C6orf132: variants seen among roughly 807,000 people sequenced by gnomAD.
The protein encoded by C6orf132 is chromosome 6 open reading frame 132, also known as uncharacterized protein C6orf132.
C6orf132 carries 43 observed loss-of-function variants against 65.3 expected under a neutral mutation model. That is an observed-to-expected ratio of 0.66 (90% CI 0.52 to 0.85). C6orf132 has a LOEUF of 0.85. Among genes scored for constraint, C6orf132 ranks in the 40% least tolerant of loss-of-function variants. C6orf132 has a pLI of 0.00. For missense variants in C6orf132, 1,488 were observed against 1,548.8 expected (o/e 0.96, Z 0.66); for synonymous variants, 631 against 654.1 (o/e 0.96, Z 0.54).
chr6:42,133,364 G>A lies in C6orf132; in HGVS notation c.146-4586C>T, dbSNP rs537412372. Among the ~76,000 whole-genome samples, 18 of 152,378 alleles carry A rather than the reference G, an allele frequency of 1.2e-4. 1 individual carries two copies. In the South Asian group the frequency reaches 3.7e-3, roughly 32 times the overall value. On this transcript the variant is annotated intron_variant, in intron 1 of 4. Transcript: ENST00000341865. ...ACTCTGAAACTTGCAAACTCCCTTG[G>A]TGTCTGGCTTTTTCTGGAAAAGTCC...
In C6orf132 at chr6:42,106,847, G is replaced by A. The variant is rs1345644996; in HGVS notation, c.1065C>T (p.Asp355=). Residue 355 remains aspartate, a synonymous_variant, in exon 4 of 5, where the codon GAC becomes GAT. Transcript: ENST00000341865. The part of the protein sequence containing the change: ...HIRPASQVYP[D]RAPEPDCPGE... ...CAGGGCAGTCTGGCTCGGGGGCCCT[G>A]TCTGGGTAGACCTGGGAGGCGGGGC... 6.5e-6 allele frequency: 10 copies of A among 1,535,800 alleles called. No individual in the cohort carries two copies. The South Asian group carries it at 9.5e-5, about 15-fold the overall frequency.
intron 2 of C6orf132, among the ~76,000 whole-genome samples, chr6:42,122,880 G>A (rs1376964601): frequency 1.3e-5 from 2 of 152,170 alleles, no homozygotes; most frequent in African/African-American, 4.8e-5. Context: ...CTCAGAGGGT[G>A]GGGTGACCCA....
chr6:42,135,593 C>A (rs1457357320), intron 1 of C6orf132, among the ~76,000 whole-genome samples: 1 of 152,236 alleles, frequency 6.6e-6, no homozygotes, highest in Non-Finnish European at 1.5e-5. Flanking sequence ...CAAAGCTGCT[C>A]ATGGATCTCC....
At chr6:42,133,682 G>A (rs1766891855) in intron 1 of C6orf132, among the ~76,000 whole-genome samples, 1 of 152,022 alleles carries the variant, frequency 6.6e-6, no homozygotes, top group Admixed American at 6.6e-5. Flanking sequence ...GTAAATCCAG[G>A]TCTGCCTCCA....
Position 42,105,432 on chromosome 6 carries a change from G to C in C6orf132, c.2480C>G (p.Pro827Arg). The C allele has an allele frequency of 6.5e-7, 1 of 1,535,166 alleles. No individual in the cohort carries two copies. The stretch of plus-strand genomic sequence containing the variant: ...CCGCTCCACCACCTCCCCAGTCACC[G>C]GGTGCCTGAGGAGTTCATCAGTGGG... Reference protein sequence around the residue: ...AQPTDELLRHPVTGEVVERGS... With the variant: ...AQPTDELLRHRVTGEVVERGS... Residue 827 changes from proline (P) to arginine (R), a missense_variant, in exon 4 of 5, where the codon CCG (proline) becomes CGG (arginine). Pro to Arg is a moderately radical substitution (Grantham distance 103). Coordinates refer to ENST00000341865, the MANE Select transcript of C6orf132 (RefSeq NM_001164446.3).
chr6:42,120,670 C>A (rs1481243629), intron 2 of C6orf132, among the ~76,000 whole-genome samples: 1 of 152,062 alleles, frequency 6.6e-6, no homozygotes, highest in Non-Finnish European at 1.5e-5. Flanking sequence ...CTCTGTCACC[C>A]AGGCTGGAGT....
intron 2 of C6orf132, among the ~76,000 whole-genome samples, chr6:42,112,488 C>A (rs1766510540): frequency 6.6e-6 from 1 of 152,202 alleles, no homozygotes; most frequent in African/African-American, 2.4e-5. Context: ...CCCTGTGTCT[C>A]AGTTTCCCCA....
chr6:42,111,586 C>A (rs1299455638), intron 2 of C6orf132, among the ~76,000 whole-genome samples: 1 of 151,892 alleles, frequency 6.6e-6, no homozygotes, highest in Non-Finnish European at 1.5e-5. Flanking sequence ...CCAGCCCTGG[C>A]TAATTTTTTG....
chr6:42,141,374 C>T (rs928759935), intron 1 of C6orf132, among the ~76,000 whole-genome samples: 2 of 152,064 alleles, frequency 1.3e-5, no homozygotes, highest in Non-Finnish European at 2.9e-5. Flanking sequence ...AAGCCCCCTG[C>T]CCCCCCAACC....
intron 2 of C6orf132, among the ~76,000 whole-genome samples, chr6:42,117,030 C>T (rs541878433): frequency 6.6e-6 from 1 of 152,294 alleles, no homozygotes; most frequent in African/African-American, 2.4e-5. Context: ...TGTTCTTGTT[C>T]TTACTCTGCC....
rs1562031992 is a variant in C6orf132, at chr6:42,104,688, G to A, written c.3224C>T (p.Pro1075Leu). 6.6e-7 allele frequency: 1 copy of A among 1,517,560 alleles called. No homozygotes were observed. The highest frequency in any genetic ancestry group is 2.5e-5 in the East Asian group (1 of 39,346). 94.0% of individuals were successfully genotyped at this position (1,517,560 alleles called of 1,614,324 possible). Reference protein sequence around the residue: ...RLYVGEPHRGPGLPHGGTGRS... With the variant: ...RLYVGEPHRGLGLPHGGTGRS... ...GCCGGTGCCACCGTGGGGTAGCCCT[G>A]GGCCTCGGTGCGGCTCCCCGACGTA... Residue 1075 changes from proline to leucine, a missense_variant, in exon 4 of 5, where the codon CCA becomes CTA. Transcript: ENST00000341865. The surrounding 1 kb of genome is among the most constrained non-coding windows in gnomAD (Gnocchi z 4.1).
At chr6:42,130,306 A>G (rs751133935) in intron 1 of C6orf132, among the ~76,000 whole-genome samples, 2 of 152,246 alleles carry the variant, frequency 1.3e-5, no homozygotes, top group Admixed American at 6.5e-5. Context: ...CCAAGATCAG[A>G]CAGGGCATGC....
rs1480386279 is a variant in C6orf132, at chr6:42,105,882, G to C, written c.2030C>G (p.Ser677Cys). The part of the protein sequence containing the change: ...LGPATPLKAT[S>C]GPTTPLKATS... ...GGCCTTGAGTGGTGTGGTTGGCCCA[G>C]ATGTGGCCTTGAGTGGTGTGGCTGG... The change falls in exon 4 of 5, where the codon TCT (serine) becomes TGT (cysteine). Residue 677 changes from serine (S) to cysteine (C), a missense_variant. By Grantham distance (112) the Ser-to-Cys change is moderately radical. Transcript: ENST00000341865. The C allele has an allele frequency of 3.9e-6, 6 of 1,537,024 alleles. No individual in the cohort carries two copies. In the African/African-American group the frequency reaches 6.8e-5, roughly 18 times the overall value.
chr6:42,119,443 CA>C (rs1446038828), intron 2 of C6orf132, among the ~76,000 whole-genome samples: 1 of 144,232 alleles, frequency 6.9e-6, no homozygotes, highest in Non-Finnish European at 1.5e-5. Context: ...CTCCCAGGTT[CA>C]AGCAATTCTT....
chr6:42,141,841 G>A (rs1331277097), intron 1 of C6orf132, among the ~76,000 whole-genome samples: 1 of 152,178 alleles, frequency 6.6e-6, no homozygotes, highest in African/African-American at 2.4e-5. Flanking sequence ...GGGAAACAGG[G>A]AGTGCAAAGG....
intron 1 of C6orf132, among the ~76,000 whole-genome samples, chr6:42,138,064 C>A (rs985891957): frequency 6.6e-6 from 1 of 152,076 alleles, no homozygotes; most frequent in South Asian, 2.1e-4. Context: ...TCTCAAAAAA[C>A]CCCCAGAGCC....
intron 2 of C6orf132, 132 bp downstream of exon 2, chr6:42,128,540 C>T (rs1766801546): frequency 3.0e-6 from 2 of 664,662 alleles, no homozygotes; most frequent in South Asian, 3.7e-5. Flanking sequence ...CCAGTAGCCC[C>T]CCTTCCCGCC....
intron 3 of C6orf132, among the ~76,000 whole-genome samples, chr6:42,108,648 G>C (rs1374713674): frequency 1.3e-5 from 2 of 152,268 alleles, no homozygotes; most frequent in East Asian, 3.9e-4. Flanking sequence ...ATAGAACAGG[G>C]GTGTGCAGAA....
chr6:42,108,817 T>C (rs1215930025), intron 3 of C6orf132, among the ~76,000 whole-genome samples: 1 of 152,014 alleles, frequency 6.6e-6, no homozygotes, highest in African/African-American at 2.4e-5. Context: ...CTCCTCTCAG[T>C]CCCTAACAGT....
Sources: gnomAD v4.1 joint callset for allele counts (sites outside exome capture counted in the v4.1 genomes callset) on GRCh38, gnomAD v4.1.1 for gene constraint, Gnocchi (gnomAD v3.1) non-coding constraint, MANE v1.5 for transcripts, NCBI Gene and HGNC (gene_info 2026-07-23, HGNC 2026-07-21) for gene names.